Variants in FRMD4A observed in about 807,000 individuals in gnomAD.
FRMD4A encodes FERM domain containing 4A, also known as FERM domain-containing protein 4A.
In FRMD4A, 29 loss-of-function variants were observed where a neutral mutation model predicts 129.1. The observed-to-expected ratio is 0.22, with a 90% CI of 0.17 to 0.31. FRMD4A has a LOEUF of 0.31. Among genes scored for constraint, FRMD4A ranks in the 10% least tolerant of loss-of-function variants. FRMD4A has a pLI of 1.00. For synonymous variants in FRMD4A, 634 were observed against 571.6 expected (o/e 1.11, Z -1.56); for missense variants, 1,272 against 1,375.8 (o/e 0.92, Z 1.19).
At chr10:13,879,103 T>C (rs1428970430) in intron 2 of FRMD4A, among the ~76,000 whole-genome samples, 1 of 152,196 alleles carries the variant, frequency 6.6e-6, no homozygotes, top group Non-Finnish European at 1.5e-5. Context: ...GCATAGTTTA[T>C]TGTATGTCAA....
At chr10:14,182,960 C>A (rs1841960532) in intron 2 of FRMD4A, among the ~76,000 whole-genome samples, 1 of 152,068 alleles carries the variant, frequency 6.6e-6, no homozygotes, top group Non-Finnish European at 1.5e-5. Context: ...TGGCTTTGAC[C>A]ATCTGGAGGA....
chr10:13,767,020 C>T (rs899477985), intron 6 of FRMD4A, among the ~76,000 whole-genome samples: 5 of 152,088 alleles, frequency 3.3e-5, no homozygotes, highest in Non-Finnish European at 7.4e-5. Context: ...TTGCAGTGAG[C>T]CGAGATAGCG....
intron 15 of FRMD4A, among the ~76,000 whole-genome samples, chr10:13,689,448 T>G (rs2085454113): frequency 1.3e-5 from 2 of 151,882 alleles, no homozygotes; most frequent in Admixed American, 6.6e-5. Flanking sequence ...GACAAAGGCT[T>G]ACAATATAAT....
intron 2 of FRMD4A, among the ~76,000 whole-genome samples, chr10:13,970,652 C>T (rs2095512206): frequency 6.6e-6 from 1 of 152,208 alleles, no homozygotes. Context: ...AGCGACACCC[C>T]CCTTCAAGAG....
chr10:14,093,972 C>A (rs1050110685), intron 2 of FRMD4A, among the ~76,000 whole-genome samples: 1 of 152,236 alleles, frequency 6.6e-6, no homozygotes, highest in Admixed American at 6.5e-5. Flanking sequence ...CAACAGCTTT[C>A]ACCAGTGACT....
At chr10:13,791,809 A>G (rs1312325639) in intron 5 of FRMD4A, among the ~76,000 whole-genome samples, 1 of 152,156 alleles carries the variant, frequency 6.6e-6, no homozygotes, top group Non-Finnish European at 1.5e-5. Context: ...TGGGCTTGTA[A>G]GTCTCGGGAG....
chr10:13,988,424 G>A (rs1283762099), intron 2 of FRMD4A, among the ~76,000 whole-genome samples: 2 of 152,196 alleles, frequency 1.3e-5, no homozygotes, highest in African/African-American at 4.8e-5. Flanking sequence ...ATTTCAATGT[G>A]TTTAGTCCCT....
intron 2 of FRMD4A, among the ~76,000 whole-genome samples, chr10:14,153,971 C>T (rs1840470479): frequency 6.6e-6 from 1 of 152,016 alleles, no homozygotes; most frequent in African/African-American, 2.4e-5. Flanking sequence ...GGCTGTGTCC[C>T]AACGGCCATG....
intron 2 of FRMD4A, among the ~76,000 whole-genome samples, chr10:14,091,214 A>G (rs1836640879): frequency 6.6e-6 from 1 of 152,188 alleles, no homozygotes. Flanking sequence ...TTAAAAGCAC[A>G]ATAAAAAGCA....
chr10:13,645,884 CA>C lies in FRMD4A; in HGVS notation c.*1153del, dbSNP rs1165214351. 6.6e-6 allele frequency: 1 copy of C among 152,600 alleles called. No homozygotes were observed. Among genetic ancestry groups the C allele is most frequent in the Non-Finnish European group, 1.5e-5 (1 of 68,032 alleles). The allele number at this position is 152,600 out of a possible 1,614,324, so 9.5% of individuals were successfully genotyped here. A position where few individuals can be genotyped will look rare whatever the true frequency, so the allele number is the denominator to read the frequency against. On this transcript the variant is annotated 3_prime_UTR_variant, in exon 25 of 25. Transcript: ENST00000357447. ...GTTTCCCATAAAAACGAAAATGAAA[CA>C]CCTTGTGCAAAAAAATAGGATACGC...
chr10:13,910,514 A>G (rs984035997), intron 2 of FRMD4A, among the ~76,000 whole-genome samples: 21 of 152,230 alleles, frequency 1.4e-4, no homozygotes, highest in African/African-American at 4.6e-4. Context: ...TTAAGCTATT[A>G]TATTTTGCGA....
chr10:13,818,353 A>G (rs2093578515), intron 3 of FRMD4A, among the ~76,000 whole-genome samples: 1 of 152,016 alleles, frequency 6.6e-6, no homozygotes, highest in Non-Finnish European at 1.5e-5. Flanking sequence ...TTTTTTTTGT[A>G]AAGATGGATT....
chr10:13,656,624 GC>G lies in FRMD4A; in HGVS notation c.2953+11del. The G allele has an allele frequency of 7.2e-7, 1 of 1,391,420 alleles. No individual in the cohort carries two copies. The highest frequency in any genetic ancestry group is 9.4e-7 in the Non-Finnish European group (1 of 1,064,742). The allele number at this position is 1,391,420 out of a possible 1,614,324, so 86.2% of individuals were successfully genotyped here. ...CAGGTCTTCCCGCGTGCACCTGGCC[GC>G]CCCCTCTCACCTGACGTGGCCTTGC... On this transcript the variant is annotated intron_variant, in intron 22 of 24. Coordinates refer to ENST00000357447, the MANE Select transcript of FRMD4A (RefSeq NM_018027.5).
At chr10:14,160,243 T>TGGGAAAACTGGATACCCTCTC (rs1840815371) in intron 2 of FRMD4A, among the ~76,000 whole-genome samples, 1 of 152,122 alleles carries the variant, frequency 6.6e-6, no homozygotes, top group Non-Finnish European at 1.5e-5. Flanking sequence ...TAAATGGCCC[T>TGGGAAAACTGGATACCCTCTC]GGGAAAACTG....
rs368177451 is a variant in FRMD4A, at chr10:14,178,712, C to T, written c.45+151346G>A. Among the ~76,000 whole-genome samples the T allele has an allele frequency of 3.3e-5, 5 of 152,142 alleles. No homozygotes were observed. The East Asian group carries it at 7.7e-4, about 24-fold the overall frequency. ...GAAGCAAGAACGATTTGCATTTTTG[C>T]CTCACAGATTTCTTTGGATTAGGGC... On this transcript the variant is annotated intron_variant, in intron 2 of 24. Transcript: ENST00000357447.
At chr10:14,019,860 G>T (rs1340985818) in intron 2 of FRMD4A, among the ~76,000 whole-genome samples, 1 of 152,144 alleles carries the variant, frequency 6.6e-6, no homozygotes, top group Admixed American at 6.5e-5. Flanking sequence ...TTAATCCAAT[G>T]AGAAATGTTT....
intron 2 of FRMD4A, among the ~76,000 whole-genome samples, chr10:14,320,517 A>C (rs1846935629): frequency 1.3e-5 from 2 of 152,074 alleles, no homozygotes; most frequent in South Asian, 4.1e-4. Context: ...GCTTAACGCC[A>C]TTTTCTACAA....
At chr10:14,164,729 C>T (rs1264078389) in intron 2 of FRMD4A, among the ~76,000 whole-genome samples, 1 of 152,174 alleles carries the variant, frequency 6.6e-6, no homozygotes, top group Non-Finnish European at 1.5e-5. Flanking sequence ...CATGGTTTTG[C>T]ATCTATAAAA....
At chr10:14,165,659 A>G (rs537403364) in intron 2 of FRMD4A, among the ~76,000 whole-genome samples, 16 of 152,340 alleles carry the variant, frequency 1.1e-4, no homozygotes, top group South Asian at 4.1e-4. Context: ...TATACACCAT[A>G]GAATACTACA....
Sources: gnomAD v4.1 joint callset for allele counts (sites outside exome capture counted in the v4.1 genomes callset) on GRCh38, gnomAD v4.1.1 for gene constraint, MANE v1.5 for transcripts, NCBI Gene and HGNC (gene_info 2026-07-23, HGNC 2026-07-21) for gene names.